Variants in TJP1 observed in about 807,000 individuals in gnomAD.
TJP1 encodes the protein tight junction protein 1.
TJP1 carries 43 observed loss-of-function variants against 194.2 expected under a neutral mutation model. That is an observed-to-expected ratio of 0.22 (90% CI 0.17 to 0.29). The LOEUF is 0.29. Among genes scored for constraint, TJP1 ranks in the 10% least tolerant of loss-of-function variants. TJP1 has a pLI of 1.00. For synonymous variants in TJP1, 801 were observed against 779.0 expected (o/e 1.03, Z -0.47); for missense variants, 1,971 against 2,185.7 (o/e 0.90, Z 1.96).
At chr15:29,819,179 G>C (rs1204329948) in intron 1 of TJP1, among the ~76,000 whole-genome samples, 1 of 151,980 alleles carries the variant, frequency 6.6e-6, no homozygotes, top group African/African-American at 2.4e-5. Flanking sequence ...ATTGCTCTTT[G>C]TCATTTAGAT....
At chr15:29,949,403 AC>A (rs2055460643) in intron 2 of TJP1, among the ~76,000 whole-genome samples, 2 of 133,004 alleles carry the variant, frequency 1.5e-5, no homozygotes, top group African/African-American at 5.7e-5. Context: ...CACCACCTCC[AC>A]AACCACCACC....
In TJP1 at chr15:29,875,282, G is replaced by C. The variant is rs139550207; in HGVS notation, c.307-74580C>G. Among the ~76,000 whole-genome samples, 3 of 152,284 alleles carry C rather than the reference G, an allele frequency of 2.0e-5. No individual in the cohort carries two copies. In the East Asian group the frequency reaches 5.8e-4, roughly 29 times the overall value. The stretch of plus-strand genomic sequence containing the variant: ...TAGGCAGAAGATAAGCCTCTAATCT[G>C]TACTTTTCAACCAATACCTGGGAGG... On this transcript the variant is annotated intron_variant, in intron 2 of 28. Coordinates refer to the TJP1 transcript ENST00000356107.
chr15:29,841,332 T>G (rs1416323679), intron 2 of TJP1, among the ~76,000 whole-genome samples: 1 of 152,156 alleles, frequency 6.6e-6, no homozygotes, highest in Non-Finnish European at 1.5e-5. Context: ...TCAGCAAAAA[T>G]ATTTAACCCA....
At chr15:29,766,647 A>C in intron 4 of TJP1, 105 bp from the exon 5 acceptor site, 1 of 1,134,232 alleles carries the variant, frequency 8.8e-7, no homozygotes, top group Non-Finnish European at 1.2e-6. Context: ...ATTAACTATG[A>C]ACCAGCAAGA....
At chr15:29,876,620 A>G (rs1169928855) in intron 2 of TJP1, among the ~76,000 whole-genome samples, 2 of 152,188 alleles carry the variant, frequency 1.3e-5, no homozygotes, top group African/African-American at 2.4e-5. Context: ...AATTCTTCCA[A>G]TGTGGCCTAG....
chr15:29,810,896 G>C (rs923156917), intron 1 of TJP1, among the ~76,000 whole-genome samples: 3 of 152,184 alleles, frequency 2.0e-5, no homozygotes, highest in Admixed American at 2.0e-4. Flanking sequence ...ACTAGACACT[G>C]TGTTAAACTA....
intron 2 of TJP1, among the ~76,000 whole-genome samples, chr15:29,941,317 C>T (rs1222444969): frequency 1.3e-5 from 2 of 152,342 alleles, no homozygotes; most frequent in African/African-American, 4.8e-5. Context: ...ACTGCCTATG[C>T]ACTGGTGAGG....
At chr15:29,879,087 G>A (rs2052825108) in intron 2 of TJP1, among the ~76,000 whole-genome samples, 1 of 152,040 alleles carries the variant, frequency 6.6e-6, no homozygotes, top group African/African-American at 2.4e-5. Context: ...TTGTGCCACC[G>A]CACTCCAGCC....
intron 2 of TJP1, among the ~76,000 whole-genome samples, chr15:29,858,828 T>C (rs1355890029): frequency 6.6e-6 from 1 of 152,082 alleles, no homozygotes; most frequent in Admixed American, 6.6e-5. Flanking sequence ...ACTACAGGCC[T>C]GTGCCACCAT....
intron 2 of TJP1, among the ~76,000 whole-genome samples, chr15:29,940,117 C>G (rs2055018097): frequency 6.6e-6 from 1 of 152,246 alleles, no homozygotes; most frequent in South Asian, 2.1e-4. Flanking sequence ...TGACAGCATC[C>G]AAGTCAGGTT....
intron 27 of TJP1, among the ~76,000 whole-genome samples, chr15:29,702,343 G>T (rs550523343): frequency 1.3e-5 from 2 of 152,298 alleles, no homozygotes; most frequent in East Asian, 3.9e-4. Flanking sequence ...AAAACTCATT[G>T]ACTGGGTGTT....
At chr15:29,762,902 T>C (rs2151543127) in intron 5 of TJP1, among the ~76,000 whole-genome samples, 1 of 152,324 alleles carries the variant, frequency 6.6e-6, no homozygotes, top group East Asian at 1.9e-4. Context: ...TATGCCTGGC[T>C]AGAGATATAA....
At chr15:29,830,312 AAT>A (rs541158383) in intron 2 of TJP1, among the ~76,000 whole-genome samples, 140 of 150,424 alleles carry the variant, frequency 9.3e-4, no homozygotes, top group African/African-American at 3.3e-3. Context: ...ATGTCAGAAT[AAT>A]ATTATTTATA....
At chr15:29,711,132 G>C in intron 23 of TJP1, 132 bp from the exon 24 acceptor site, 1 of 991,708 alleles carries the variant, frequency 1.0e-6, no homozygotes, top group Non-Finnish European at 1.4e-6. Context: ...CATGAGTATG[G>C]GTAGCTACTC....
intron 8 of TJP1, among the ~76,000 whole-genome samples, chr15:29,754,573 T>C (rs553920418): frequency 2.6e-5 from 4 of 151,964 alleles, no homozygotes; most frequent in Admixed American, 2.0e-4. Context: ...ACATTTGAAA[T>C]AGAAAAAAAA....
intron 2 of TJP1, among the ~76,000 whole-genome samples, chr15:29,862,068 C>A (rs1347685498): frequency 1.3e-5 from 2 of 152,108 alleles, no homozygotes; most frequent in Non-Finnish European, 2.9e-5. Context: ...GGTAGATATA[C>A]ACTTGTCCCA....
rs747547138 is a variant in TJP1, at chr15:29,705,615, C to T, written c.4981G>A (p.Gly1661Arg). 1.2e-6 allele frequency: 2 copies of T among 1,614,218 alleles called. No individual in the cohort carries two copies. Among genetic ancestry groups the T allele is most frequent in the South Asian group, 2.2e-5 (2 of 91,076 alleles). Reference protein sequence around the residue: ...ETGVSIIIPQGAIPEGVEQEI... With the variant: ...ETGVSIIIPQRAIPEGVEQEI... ...TGCTCAACTCCTTCGGGAATGGCTC[C>T]TTGAGGGATAATTATACTAACACCA... Residue 1661 changes from glycine to arginine, a missense_variant, in exon 26 of 28, where the codon GGA becomes AGA. Gly to Arg is a moderately radical substitution (Grantham distance 125). This residue lies in a region of TJP1 where 1,108 missense variants were observed against 1,128.5 expected (regional missense o/e 0.98). Transcript: ENST00000614355.
In TJP1 at chr15:29,792,071, GGTT is replaced by G. The variant is rs2048130893; in HGVS notation, c.84+8572_84+8574del. Reference sequence around the variant, plus strand: ...CTGCAAATATTTTCTTCATTCTGTGGGTTGTTTCTTCATTTTGTTGACTGTTTG... The same window carrying G: ...CTGCAAATATTTTCTTCATTCTGTGGGTTTCTTCATTTTGTTGACTGTTTG... On this transcript the variant is annotated intron_variant, in intron 2 of 27. Coordinates refer to ENST00000614355, the MANE Select transcript of TJP1 (RefSeq NM_001330239.4). 2.0e-5 allele frequency among the ~76,000 whole-genome samples: 3 copies of G among 152,146 alleles called. No individual in the cohort carries two copies. The South Asian group carries it at 6.2e-4, about 32-fold the overall frequency.
At chr15:29,714,048 C>T (rs965286749) in intron 23 of TJP1, among the ~76,000 whole-genome samples, 1 of 152,124 alleles carries the variant, frequency 6.6e-6, no homozygotes, top group Non-Finnish European at 1.5e-5. Flanking sequence ...CCTAGTATAC[C>T]ATGCCCTGTT....
Sources: allele counts gnomAD v4.1 joint callset (sites outside exome capture counted in the v4.1 genomes callset), GRCh38; gene constraint gnomAD v4.1.1; regional missense constraint gnomAD v4.1.1; transcripts MANE v1.5; gene names NCBI Gene and HGNC (gene_info 2026-07-23, HGNC 2026-07-21).